The following CCDC141 variants were observed in gnomAD, a reference collection of about 807,000 sequenced individuals.
CCDC141 encodes coiled-coil domain containing 141.
A neutral mutation model predicts 181.0 loss-of-function variants in CCDC141; 168 were observed. The ratio of observed to expected loss-of-function variants is 0.93; its 90% CI spans 0.82 to 1.05. CCDC141 has a LOEUF of 1.05. Ranked by LOEUF, CCDC141 falls within the 50% of genes least tolerant of loss-of-function variation. The pLI is 0.00. For missense variants in CCDC141, 1,902 were observed against 1,788.5 expected (o/e 1.06, Z -1.14); for synonymous variants, 666 against 642.3 (o/e 1.04, Z -0.56).
chr2:178,897,580 C>T (rs189067935), intron 8 of CCDC141, among the ~76,000 whole-genome samples: 1 of 152,262 alleles, frequency 6.6e-6, no homozygotes, highest in African/African-American at 2.4e-5. Flanking sequence ...TAGGATGAGG[C>T]ATATAAGCTT....
Position 178,978,634 on chromosome 2 carries a change from G to C in CCDC141, c.267C>G (p.Asp89Glu). ...GATCCTTGTTCTCTTCAGCTGTCTT[G>C]TCTGCTTCCTGCAAGAGTTCCCATA... ...DRVWELLQEA[D>E]KTAEENKDQS... The change falls in exon 3 of 24, where the codon GAC becomes GAG. Residue 89 changes from aspartate to glutamate, a missense_variant. Asp to Glu is a conservative substitution (Grantham distance 45, BLOSUM62 2). Coordinates refer to ENST00000443758, the MANE Select transcript of CCDC141 (RefSeq NM_173648.4). 2 of 1,547,070 alleles carry C rather than the reference G, an allele frequency of 1.3e-6. No individual in the cohort carries two copies. Among genetic ancestry groups the C allele is most frequent in the Middle Eastern group, 1.7e-4 (1 of 5,978 alleles).
At chr2:178,839,608 TG>T (rs1684641867) in intron 22 of CCDC141, among the ~76,000 whole-genome samples, 5 of 99,170 alleles carry the variant, frequency 5.0e-5, no homozygotes, top group African/African-American at 1.6e-4. Flanking sequence ...AAAAAAAAAA[TG>T]TGTTTTCAGG....
intron 7 of CCDC141, among the ~76,000 whole-genome samples, chr2:178,918,227 T>A (rs1029365588): frequency 6.6e-6 from 1 of 151,528 alleles, no homozygotes; most frequent in Non-Finnish European, 1.5e-5. Context: ...CTGCACAACA[T>A]AGCAAGACCC....
intron 14 of CCDC141, among the ~76,000 whole-genome samples, chr2:178,870,971 G>A (rs1575152947): frequency 1.3e-5 from 2 of 152,154 alleles, no homozygotes; most frequent in Middle Eastern, 6.8e-3. Flanking sequence ...AATTCCTGGG[G>A]TGATGGTACG....
At chr2:178,907,790 T>A (rs1009569186) in intron 7 of CCDC141, among the ~76,000 whole-genome samples, 1 of 151,854 alleles carries the variant, frequency 6.6e-6, no homozygotes, top group Admixed American at 6.6e-5. Flanking sequence ...GGTCAGGAGT[T>A]CAAGACCAGC....
chr2:178,948,726 T>A (rs36112235), intron 5 of CCDC141, among the ~76,000 whole-genome samples: 35,525 of 152,086 alleles, frequency 0.23, 5,516 homozygotes, highest in Non-Finnish European at 0.34. Context: ...CCAGCAGACC[T>A]GGTTGTTAAA....
chr2:178,950,819 T>C (rs1689921899), intron 5 of CCDC141, among the ~76,000 whole-genome samples: 1 of 152,232 alleles, frequency 6.6e-6, no homozygotes, highest in Non-Finnish European at 1.5e-5. Context: ...TGTTACTTTA[T>C]GAACAGCTTT....
intron 17 of CCDC141, among the ~76,000 whole-genome samples, chr2:178,859,608 G>A (rs542460471): frequency 6.6e-6 from 1 of 151,952 alleles, no homozygotes; most frequent in South Asian, 2.1e-4. Context: ...AGAAAATTAG[G>A]GAAAATATAT....
At chr2:178,956,675 T>A (rs1278827744) in intron 5 of CCDC141, among the ~76,000 whole-genome samples, 3 of 152,208 alleles carry the variant, frequency 2.0e-5, no homozygotes, top group Non-Finnish European at 4.4e-5. Flanking sequence ...ATAATGTTTA[T>A]TGTTCTTATT....
intron 9 of CCDC141, among the ~76,000 whole-genome samples, chr2:178,888,266 TAACA>T (rs1486361479): frequency 6.6e-6 from 1 of 152,216 alleles, no homozygotes; most frequent in Non-Finnish European, 1.5e-5. Flanking sequence ...TTGGTTCAGT[TAACA>T]CAGTACTGTG....
intron 2 of CCDC141, among the ~76,000 whole-genome samples, chr2:178,978,983 C>T (rs542941931): frequency 6.6e-6 from 1 of 151,084 alleles, no homozygotes; most frequent in Admixed American, 6.6e-5. Context: ...CTAACAGTTC[C>T]AAAAAAAATA....
chr2:178,994,695 T>A (rs541236229), intron 2 of CCDC141, among the ~76,000 whole-genome samples: 19 of 152,296 alleles, frequency 1.2e-4, no homozygotes, highest in Admixed American at 1.1e-3. Flanking sequence ...AACCTGCAAA[T>A]TTTCCAAACT....
chr2:179,037,808 C>T (rs2655149), intron 2 of CCDC141, among the ~76,000 whole-genome samples: 98,722 of 152,074 alleles, frequency 0.65, 33,247 homozygotes, highest in East Asian at 0.77. Context: ...TATCACTTCA[C>T]ACCTAATAGG....
At chr2:178,939,847 T>C (rs1363507487) in intron 6 of CCDC141, among the ~76,000 whole-genome samples, 6 of 152,116 alleles carry the variant, frequency 3.9e-5, no homozygotes, top group Admixed American at 6.6e-5. Flanking sequence ...TCTCCCCAAC[T>C]CACCCACAAG....
chr2:178,961,340 GA>G lies in CCDC141; in HGVS notation c.669del (p.Glu225AsnfsTer10). 6.4e-7 allele frequency: 1 copy of G among 1,550,588 alleles called. No individual in the cohort carries two copies. On this transcript the variant is annotated frameshift_variant, in exon 5 of 24. Coordinates refer to ENST00000443758, the MANE Select transcript of CCDC141 (RefSeq NM_173648.4). LOFTEE classifies it high-confidence loss of function. ...AHSSCLKVDRLLELLQDRRRQ... is the reference protein window; with the variant it reads ...AHSSCLKVDRXLELLQDRRRQ... ...CTTCTCCTGTCTTGTAGAAGTTCAA[GA>G]AGGCGGTCAACCTTCAGACAGCTGC...
intron 2 of CCDC141, among the ~76,000 whole-genome samples, chr2:179,006,627 CT>C (rs1261222196): frequency 2.0e-5 from 3 of 152,136 alleles, no homozygotes; most frequent in Admixed American, 1.3e-4. Flanking sequence ...AAATGTTTAA[CT>C]TTTTTGTCTA....
At chr2:178,908,692 C>T (rs1384976131) in intron 7 of CCDC141, among the ~76,000 whole-genome samples, 1 of 152,178 alleles carries the variant, frequency 6.6e-6, no homozygotes, top group Admixed American at 6.5e-5. Flanking sequence ...ATGTCACAGC[C>T]TTCTTGCCTT....
intron 2 of CCDC141, among the ~76,000 whole-genome samples, chr2:178,990,666 T>C (rs1692012686): frequency 6.6e-6 from 1 of 151,376 alleles, no homozygotes; most frequent in East Asian, 1.9e-4. Flanking sequence ...ACAACATTGG[T>C]GAACCTCTAA....
chr2:178,936,784 C>G lies in CCDC141; in HGVS notation c.897+7751G>C, dbSNP rs113185041. ...CTGTGAATTCTTTGGGCAGTGTTCC[C>G]TAATTCTCATTGTAGAGATCTTTCA... On this transcript the variant is annotated intron_variant, in intron 6 of 23. Transcript: ENST00000443758. Among the ~76,000 whole-genome samples, 15 of 151,822 alleles carry G rather than the reference C, an allele frequency of 9.9e-5. 2 individuals are homozygous for G. Among genetic ancestry groups the G allele is most frequent in the African/African-American group, 3.4e-4 (14 of 41,452 alleles).
Sources: allele counts gnomAD v4.1 joint callset (sites outside exome capture counted in the v4.1 genomes callset), GRCh38; gene constraint gnomAD v4.1.1; transcripts MANE v1.5; gene names NCBI Gene and HGNC (gene_info 2026-07-23, HGNC 2026-07-21).